The following RHOC variants were observed in gnomAD, a reference collection of about 807,000 sequenced individuals.
RHOC encodes rho-related GTP-binding protein RhoC.
RHOC carries 13 observed loss-of-function variants against 19.5 expected under a neutral mutation model. The observed-to-expected ratio is 0.67, with a 90% CI of 0.43 to 1.06. The LOEUF (loss-of-function observed/expected upper bound fraction) is 1.06, where lower values mean the gene tolerates loss of function less well. Among genes scored for constraint, RHOC ranks in the 50% least tolerant of loss-of-function variants. The pLI, the probability that RHOC is intolerant of heterozygous loss-of-function variation, is 0.00. For synonymous variants in RHOC, 106 were observed against 97.3 expected, an observed-to-expected ratio of 1.09 and a Z score of -0.52; for missense variants, 173 against 256.9, an observed-to-expected ratio of 0.67 and a Z score of 2.23.
At position 112,705,138 on chromosome 1, in the gene RHOC, G is replaced by T. The variant is rs1004790247; in HGVS notation, c.-46C>A. The T allele has an allele frequency of 1.4e-6, 1 of 702,486 alleles. No individual in the cohort carries two copies. Among genetic ancestry groups the T allele is most frequent in the Admixed American group, 2.0e-5 (1 of 50,014 alleles). 43.5% of individuals were successfully genotyped at this position (702,486 alleles called of 1,614,324 possible). A position where few individuals can be genotyped will look rare whatever the true frequency, so the allele number is the denominator to read the frequency against. On this transcript the variant is annotated 5_prime_UTR_variant, in exon 2 of 6. Transcript: ENST00000339083. ...AAGTTCCCAGGCTGCAGGAAGAGAGGGCGGGCTCTGGAGCTGAGATGAAGT... is the reference window on the plus strand; with the variant it reads ...AAGTTCCCAGGCTGCAGGAAGAGAGTGCGGGCTCTGGAGCTGAGATGAAGT...
At chr1:112,705,500 C>A in intron 1 of RHOC, 1 of 534,104 alleles carries the variant, frequency 1.9e-6, no homozygotes, top group Non-Finnish European at 3.6e-6. Context: ...GTTTTGTGGA[C>A]ATGAGTCAGA....
chr1:112,706,449 AC>A (rs1674853457), intron 1 of RHOC, among the ~76,000 whole-genome samples: 3 of 28,012 alleles, frequency 1.1e-4, no homozygotes, highest in Admixed American at 4.7e-4. Flanking sequence ...ACACACACAC[AC>A]ACACACACAC....
chr1:112,706,463 A>ACACACACACACACC (rs1674869025), intron 1 of RHOC, among the ~76,000 whole-genome samples: 2 of 8,186 alleles, frequency 2.4e-4, no homozygotes, highest in Non-Finnish European at 5.9e-4. Context: ...ACACACACAC[A>ACACACACACACACC]CCACACACAC....
intron 1 of RHOC, among the ~76,000 whole-genome samples, chr1:112,706,472 A>AC (rs1225911892): frequency 3.9e-3 from 12 of 3,090 alleles, no homozygotes; most frequent in South Asian, 0.014. Context: ...CACCACACAC[A>AC]CACACACACA....
In RHOC at chr1:112,701,362, G is replaced by GCGCTGGGAGGGAGGGCC; in HGVS notation, c.*161_*177dup. 6.6e-7 allele frequency: 1 copy of GCGCTGGGAGGGAGGGCC among 1,509,614 alleles called. No individual in the cohort carries two copies. The highest frequency in any genetic ancestry group is 1.3e-5 in the South Asian group (1 of 77,100). The allele number at this position is 1,509,614 out of a possible 1,614,324, so 93.5% of individuals were successfully genotyped here. A position where few individuals can be genotyped will look rare whatever the true frequency, so the allele number is the denominator to read the frequency against. ...GCAGGGCATAGGCGTGGCTCCCAGAGCGCTGGGAGGGAGGGCCCGTGCCAC... is the reference window on the plus strand; with the variant it reads ...GCAGGGCATAGGCGTGGCTCCCAGAGCGCTGGGAGGGAGGGCCCGCTGGGAGGGAGGGCCCGTGCCAC... On this transcript the variant is annotated 3_prime_UTR_variant, in exon 6 of 6. Transcript: ENST00000339083.
Position 112,701,779 on chromosome 1 carries a change from C to T in RHOC, c.409-66G>A, listed in dbSNP as rs1674645699. ...CTACATGAACCTCTCCTGCCTCACC[C>T]ATAAGTGTAGCAGCTGGAACAAATG... On this transcript the variant is annotated intron_variant, in intron 5 of 5. Coordinates refer to ENST00000339083, the MANE Select transcript of RHOC (RefSeq NM_175744.5). 4 of 1,543,480 alleles carry T rather than the reference C, an allele frequency of 2.6e-6. No homozygotes were observed. The Admixed American group carries it at 6.7e-5, about 26-fold the overall frequency.
Position 112,704,758 on chromosome 1 carries a change from C to T in RHOC, c.-8+342G>A, listed in dbSNP as rs542982801. 1.7e-4 allele frequency: 45 copies of T among 270,770 alleles called. No homozygotes were observed. The East Asian group carries it at 3.2e-3, about 19-fold the overall frequency. The allele number at this position is 270,770 out of a possible 1,614,324, so 16.8% of individuals were successfully genotyped here. On this transcript the variant is annotated intron_variant, in intron 2 of 5. Transcript: ENST00000339083. ...CACAGCTCGAGTTTGGGCAGGCTGC[C>T]TTCCTCCCCCCTTCCTCCTAGGCCT...
At chr1:112,705,019 C>A in intron 2 of RHOC, 81 bp downstream of exon 2, 2 of 686,992 alleles carry the variant, frequency 2.9e-6, no homozygotes, top group South Asian at 1.5e-5. Context: ...CCACCCCCAG[C>A]ACACACAGCG....
At chr1:112,703,611 A>AACAGG in intron 3 of RHOC, 33 bp downstream of exon 3, 1 of 1,191,622 alleles carries the variant, frequency 8.4e-7, no homozygotes, top group South Asian at 1.4e-5. Context: ...GCGGGGTCTC[A>AACAGG]GGGTGGGGTG....
chr1:112,707,233 C>T (rs1674928073), upstream of RHOC: 1 of 150,780 alleles, frequency 6.6e-6, no homozygotes, highest in East Asian at 2.0e-4. Context: ...CCGCCCCGGC[C>T]CCGCGCAGGG....
rs777150290 is a variant in RHOC at position 112,701,445 on chromosome 1, C to T, written c.*95G>A. 1.2e-4 allele frequency: 199 copies of T among 1,612,052 alleles called. 1 individual carries two copies. The highest frequency in any genetic ancestry group is 4.8e-4 in the South Asian group (44 of 90,918). On this transcript the variant is annotated 3_prime_UTR_variant, in exon 6 of 6. Coordinates refer to ENST00000339083, the MANE Select transcript of RHOC (RefSeq NM_175744.5). ...GCAGGAGGGAACTGAAAATGGGAGCCTTCAGCATGGAGCCCTCAGGAGGCT... is the reference window on the plus strand; with the variant it reads ...GCAGGAGGGAACTGAAAATGGGAGCTTTCAGCATGGAGCCCTCAGGAGGCT...
chr1:112,707,171 G>C (rs563882554), upstream of RHOC: 1 of 150,730 alleles, frequency 6.6e-6, no homozygotes, highest in South Asian at 2.1e-4. Context: ...CCGCGGCGGG[G>C]AGGGCGGGCC....
At position 112,701,532 on chromosome 1, in the gene RHOC, TG is replaced by T. The variant is rs1443953840; in HGVS notation, c.*7del. ...GGGAGGGGGCATGTAGGAAAGGCCTTGGGGATCTCAGAGAATGGGACAGCCC... is the reference window on the plus strand; with the variant it reads ...GGGAGGGGGCATGTAGGAAAGGCCTTGGGATCTCAGAGAATGGGACAGCCC... On this transcript the variant is annotated 3_prime_UTR_variant, in exon 6 of 6. Coordinates refer to ENST00000339083, the MANE Select transcript of RHOC (RefSeq NM_175744.5). 1.2e-6 allele frequency: 2 copies of T among 1,614,054 alleles called. No individual in the cohort carries two copies. Among genetic ancestry groups the T allele is most frequent in the Admixed American group, 1.7e-5 (1 of 60,012 alleles).
intron 4 of RHOC, 53 bp from the exon 5 acceptor site, chr1:112,702,746 T>C: frequency 6.2e-7 from 1 of 1,608,054 alleles, no homozygotes; most frequent in Non-Finnish European, 8.5e-7. Context: ...GCTAGAAAGC[T>C]CCCCTGGGGG....
chr1:112,706,515 C>CACAA (rs1557780944), intron 1 of RHOC, among the ~76,000 whole-genome samples: 114 of 93,532 alleles, frequency 1.2e-3, no homozygotes, highest in Middle Eastern at 5.9e-3. Flanking sequence ...CACACACACA[C>CACAA]ACACACACAC....
intron 1 of RHOC, among the ~76,000 whole-genome samples, chr1:112,706,489 CA>C (rs370047091): frequency 3.1e-4 from 9 of 29,384 alleles, no homozygotes; most frequent in South Asian, 1.7e-3. Flanking sequence ...CACACACACA[CA>C]CACACACACA....
chr1:112,706,517 C>CACACACAA (rs1553189944), intron 1 of RHOC, among the ~76,000 whole-genome samples: 753 of 71,370 alleles, frequency 0.011, 43 homozygotes, highest in Middle Eastern at 0.02. Context: ...CACACACACA[C>CACACACAA]ACACACACAC....
intron 1 of RHOC, chr1:112,705,529 A>C (rs1211929746): frequency 2.0e-6 from 1 of 495,314 alleles, no homozygotes; most frequent in Non-Finnish European, 4.0e-6. Context: ...AGGAGTTCAA[A>C]GTACACAGCC....
At chr1:112,703,339 T>C in intron 3 of RHOC, 1 of 706,858 alleles carries the variant, frequency 1.4e-6, no homozygotes, top group Non-Finnish European at 2.5e-6. Context: ...GTGAGCACCA[T>C]TATTTTGGTT....
Sources: gnomAD v4.1 joint callset for allele counts (sites outside exome capture counted in the v4.1 genomes callset) on GRCh38, gnomAD v4.1.1 for gene constraint, MANE v1.5 for transcripts, NCBI Gene and HGNC (gene_info 2026-07-23, HGNC 2026-07-21) for gene names.